The following FBXL17 variants were observed in gnomAD, a reference collection of about 807,000 sequenced individuals.
FBXL17 encodes the protein F-box and leucine rich repeat protein 17.
In FBXL17, 22 loss-of-function variants were observed where a neutral mutation model predicts 66.2. The ratio of observed to expected loss-of-function variants is 0.33; its 90% CI spans 0.24 to 0.47. The LOEUF (loss-of-function observed/expected upper bound fraction) is 0.47, where lower values mean the gene tolerates loss of function less well. Among genes scored for constraint, FBXL17 ranks in the 20% least tolerant of loss-of-function variants. The pLI is 1.00. For missense variants in FBXL17, 878 were observed against 948.2 expected (o/e 0.93, Z 0.97); for synonymous variants, 474 against 400.5 (o/e 1.18, Z -2.19).
chr5:108,180,784 T>C (rs1219567068), intron 6 of FBXL17, among the ~76,000 whole-genome samples: 1 of 152,166 alleles, frequency 6.6e-6, no homozygotes, highest in African/African-American at 2.4e-5. Flanking sequence ...GGATGTTAGA[T>C]AATCTTATTT....
chr5:108,088,834 C>T (rs115728951), intron 6 of FBXL17, among the ~76,000 whole-genome samples: 2,070 of 147,576 alleles, frequency 0.014, 18 homozygotes, highest in Non-Finnish European at 0.022. Flanking sequence ...TAAAGCAGCA[C>T]TTATCAACAG....
intron 4 of FBXL17, among the ~76,000 whole-genome samples, chr5:108,225,717 C>T (rs1755072407): frequency 6.6e-6 from 1 of 152,166 alleles, no homozygotes; most frequent in Non-Finnish European, 1.5e-5. Flanking sequence ...GTACTTGGTT[C>T]TAACAGCCCT....
chr5:108,069,784 A>G (rs574329058), intron 6 of FBXL17, among the ~76,000 whole-genome samples: 1 of 152,304 alleles, frequency 6.6e-6, no homozygotes, highest in South Asian at 2.1e-4. Flanking sequence ...CCTTACATAT[A>G]TCTTTCTAAT....
chr5:108,225,710 C>A (rs1445656725), intron 4 of FBXL17, among the ~76,000 whole-genome samples: 1 of 152,184 alleles, frequency 6.6e-6, no homozygotes, highest in Non-Finnish European at 1.5e-5. Context: ...GTTTGTGGTA[C>A]TTGGTTCTAA....
chr5:107,866,236 T>C (rs146234407), intron 8 of FBXL17, among the ~76,000 whole-genome samples: 184 of 152,270 alleles, frequency 1.2e-3, no homozygotes, highest in Non-Finnish European at 2.3e-3. Context: ...CGCACTGTCA[T>C]TGGAAGAAAT....
intron 8 of FBXL17, among the ~76,000 whole-genome samples, chr5:107,865,158 C>T (rs578080740): frequency 2.9e-4 from 44 of 152,328 alleles, no homozygotes; most frequent in African/African-American, 1.1e-3. Context: ...ACGATATGAA[C>T]TCTTTTCTAT....
At chr5:107,879,792 C>T in intron 8 of FBXL17, 1 of 985,392 alleles carries the variant, frequency 1.0e-6, no homozygotes, top group Non-Finnish European at 1.2e-6. Context: ...AAGATGGCGG[C>T]ACTTTCTGAG....
At chr5:108,057,019 G>A (rs2112836093) in intron 6 of FBXL17, among the ~76,000 whole-genome samples, 1 of 152,260 alleles carries the variant, frequency 6.6e-6, no homozygotes, top group Non-Finnish European at 1.5e-5. Context: ...AAAGAATAGA[G>A]ATTTAACAAA....
rs866578227 is a variant in FBXL17 at position 108,381,542 on chromosome 5, G to A, written c.150C>T (p.Ser50=). 24 of 1,426,380 alleles carry A rather than the reference G, an allele frequency of 1.7e-5. No homozygotes were observed. 88.4% of individuals were successfully genotyped at this position (1,426,380 alleles called of 1,614,324 possible). A position where few individuals can be genotyped will look rare whatever the true frequency, so the allele number is the denominator to read the frequency against. The part of the protein sequence containing the change: ...KVPPQPAAPR[S]RDCFFRGPCM... ...AGGGCCCGCGGAAGAAGCAGTCCCG[G>A]CTCCGGGGCGCCGCCGGCTGAGGGG... Residue 50 remains serine (S), a synonymous_variant, in exon 1 of 9, where the codon AGC becomes AGT. Transcript: ENST00000542267.
intron 4 of FBXL17, among the ~76,000 whole-genome samples, chr5:108,256,057 G>A (rs1480521317): frequency 6.6e-6 from 1 of 152,132 alleles, no homozygotes; most frequent in African/African-American, 2.4e-5. Context: ...AAGGCTTGAG[G>A]CAAAGCTCAG....
rs1031654058 is a variant in FBXL17, at chr5:108,020,888, T to G, written c.1822+37A>C. 4.9e-6 allele frequency: 7 copies of G among 1,428,074 alleles called. 1 individual carries two copies. In the South Asian group the frequency reaches 8.1e-5, roughly 16 times the overall value. 88.5% of individuals were successfully genotyped at this position (1,428,074 alleles called of 1,614,324 possible). A position where few individuals can be genotyped will look rare whatever the true frequency, so the allele number is the denominator to read the frequency against. On this transcript the variant is annotated intron_variant, in intron 7 of 8. Coordinates refer to ENST00000542267, the MANE Select transcript of FBXL17 (RefSeq NM_001163315.3). The stretch of plus-strand genomic sequence containing the variant: ...CTTTCAATGATTTTGTAACTTTTTA[T>G]TCTTAGAAAGGATTAGGAAAATGGT...
chr5:108,080,129 T>C (rs907473587), intron 6 of FBXL17, among the ~76,000 whole-genome samples: 2 of 152,178 alleles, frequency 1.3e-5, no homozygotes, highest in Non-Finnish European at 2.9e-5. Context: ...TGGAAACCCA[T>C]GAATATGAGT....
At chr5:108,069,941 A>G (rs1399124362) in intron 6 of FBXL17, among the ~76,000 whole-genome samples, 2 of 152,218 alleles carry the variant, frequency 1.3e-5, no homozygotes, top group African/African-American at 2.4e-5. Flanking sequence ...ACTAATCTGT[A>G]GAAACAGTCT....
intron 6 of FBXL17, among the ~76,000 whole-genome samples, chr5:108,137,897 G>A (rs555937865): frequency 6.6e-6 from 1 of 152,246 alleles, no homozygotes; most frequent in African/African-American, 2.4e-5. Flanking sequence ...CTAGACTATC[G>A]ATAATCTGGG....
intron 4 of FBXL17, among the ~76,000 whole-genome samples, chr5:108,251,448 T>C (rs1452212594): frequency 6.6e-6 from 1 of 152,028 alleles, no homozygotes; most frequent in Non-Finnish European, 1.5e-5. Context: ...CCTTAAAAGA[T>C]TACAGACACT....
At chr5:108,143,130 C>T (rs1172513862) in intron 6 of FBXL17, among the ~76,000 whole-genome samples, 1 of 151,978 alleles carries the variant, frequency 6.6e-6, no homozygotes, top group Non-Finnish European at 1.5e-5. Flanking sequence ...AAACCAACCG[C>T]TCCCCGACCC....
chr5:107,997,106 G>T (rs907310385), intron 7 of FBXL17, among the ~76,000 whole-genome samples: 1 of 152,192 alleles, frequency 6.6e-6, no homozygotes, highest in Non-Finnish European at 1.5e-5. Flanking sequence ...TCCGGGATGA[G>T]AGATTTTATC....
intron 4 of FBXL17, among the ~76,000 whole-genome samples, chr5:108,318,264 T>C (rs2150212467): frequency 1.3e-5 from 2 of 151,886 alleles, no homozygotes; most frequent in South Asian, 2.1e-4. Flanking sequence ...CCCAGTAACT[T>C]AGTGCCTTAT....
chr5:108,157,890 T>C (rs943560222), intron 6 of FBXL17, among the ~76,000 whole-genome samples: 4 of 152,064 alleles, frequency 2.6e-5, no homozygotes, highest in African/African-American at 7.2e-5. Flanking sequence ...TTTCCATTAA[T>C]ACTCATTGCC....
Sources: allele counts gnomAD v4.1 joint callset (sites outside exome capture counted in the v4.1 genomes callset), GRCh38; gene constraint gnomAD v4.1.1; transcripts MANE v1.5; gene names NCBI Gene and HGNC (gene_info 2026-07-23, HGNC 2026-07-21).